The following ADAMTS2 variants were observed in gnomAD, a reference collection of about 807,000 sequenced individuals.
ADAMTS2 encodes the protein ADAM metallopeptidase with thrombospondin type 1 motif 2.
A neutral mutation model predicts 123.0 loss-of-function variants in ADAMTS2; 50 were observed. The ratio of observed to expected loss-of-function variants is 0.41; its 90% CI spans 0.32 to 0.51. The LOEUF is 0.51. Ranked by LOEUF, ADAMTS2 falls within the 20% of genes least tolerant of loss-of-function variation. The probability of loss-of-function intolerance (pLI) is 0.35; values close to 1 mark genes in which losing one functional copy is unlikely to be tolerated. For synonymous variants in ADAMTS2, 678 were observed against 695.4 expected (o/e 0.98, Z 0.39); for missense variants, 1,494 against 1,705.2 (o/e 0.88, Z 2.18).
At chr5:179,207,460 G>A (rs926857013) in intron 4 of ADAMTS2, 53 bp downstream of exon 4, 3 of 1,563,668 alleles carry the variant, frequency 1.9e-6, no homozygotes, top group East Asian at 4.5e-5. Context: ...GGCCTGCCCA[G>A]CCCCTGGTTG....
chr5:179,203,196 G>A (rs1231629970), intron 4 of ADAMTS2, among the ~76,000 whole-genome samples: 1 of 152,148 alleles, frequency 6.6e-6, no homozygotes, highest in Non-Finnish European at 1.5e-5. Flanking sequence ...CACCATCAGG[G>A]CCCCCACCAG....
chr5:179,222,224 T>A (rs1015595996), intron 3 of ADAMTS2, among the ~76,000 whole-genome samples: 2 of 152,138 alleles, frequency 1.3e-5, no homozygotes, highest in Non-Finnish European at 2.9e-5. Context: ...CCAGCTGCAG[T>A]TGAGGAGGGA....
chr5:179,203,960 G>A (rs1042138351), intron 4 of ADAMTS2, among the ~76,000 whole-genome samples: 1 of 152,210 alleles, frequency 6.6e-6, no homozygotes, highest in Non-Finnish European at 1.5e-5. Context: ...CCCATGGATG[G>A]CTGGATAAAC....
intron 5 of ADAMTS2, among the ~76,000 whole-genome samples, chr5:179,160,817 G>A (rs1355856084): frequency 6.6e-6 from 1 of 152,186 alleles, no homozygotes; most frequent in African/African-American, 2.4e-5. Flanking sequence ...TCATGACCAG[G>A]AAGAGCATGT....
At chr5:179,283,661 C>T (rs1274875322) in intron 2 of ADAMTS2, among the ~76,000 whole-genome samples, 1 of 150,652 alleles carries the variant, frequency 6.6e-6, no homozygotes, top group East Asian at 1.9e-4. Flanking sequence ...GATCCCAGAA[C>T]TCTGGGAGGC....
chr5:179,279,018 G>C (rs1766819969), intron 2 of ADAMTS2, among the ~76,000 whole-genome samples: 1 of 151,934 alleles, frequency 6.6e-6, no homozygotes, highest in African/African-American at 2.4e-5. Context: ...GGGGTTCACA[G>C]GAAACACAAG....
chr5:179,121,810 G>T, intron 20 of ADAMTS2, 60 bp from the exon 21 acceptor site: 1 of 1,206,708 alleles, frequency 8.3e-7, no homozygotes, highest in Non-Finnish European at 1.2e-6. Flanking sequence ...CCCACCCCAG[G>T]CAGAGAGGCT....
At chr5:179,241,423 C>A (rs1221918644) in intron 3 of ADAMTS2, among the ~76,000 whole-genome samples, 2 of 152,218 alleles carry the variant, frequency 1.3e-5, no homozygotes, top group Non-Finnish European at 1.5e-5. Flanking sequence ...ATCAACCCAG[C>A]CGGGCTTCCA....
Position 179,161,531 on chromosome 5 carries a change from T to TG in ADAMTS2, c.976-2653dup, listed in dbSNP as rs1326810739. 2.0e-5 allele frequency among the ~76,000 whole-genome samples: 3 copies of TG among 151,648 alleles called. No individual in the cohort carries two copies. In the East Asian group the frequency reaches 5.8e-4, roughly 29 times the overall value. ...GAAATAGAGAGTAGTTCCTGGAGAGTGGGGGGCAGCGGGCTGGGGATTGCC... is the reference window on the plus strand; with the variant it reads ...GAAATAGAGAGTAGTTCCTGGAGAGTGGGGGGGCAGCGGGCTGGGGATTGCC... On this transcript the variant is annotated intron_variant, in intron 5 of 21. Coordinates refer to ENST00000251582, the MANE Select transcript of ADAMTS2 (RefSeq NM_014244.5).
Position 179,345,335 on chromosome 5 carries a change from C to T in ADAMTS2, c.-7G>A. 3 of 1,133,924 alleles carry T rather than the reference C, an allele frequency of 2.6e-6. No individual in the cohort carries two copies. Among genetic ancestry groups the T allele is most frequent in the Non-Finnish European group, 1.1e-6 (1 of 925,408 alleles). 70.2% of individuals were successfully genotyped at this position (1,133,924 alleles called of 1,614,324 possible). A position where few individuals can be genotyped will look rare whatever the true frequency, so the allele number is the denominator to read the frequency against. Reference sequence around the variant, plus strand: ...CTCCCGCCGGCGGATCCATGGCAGCCGGACTGCAGCCGGGGCCCCGCACTC... The same window carrying T: ...CTCCCGCCGGCGGATCCATGGCAGCTGGACTGCAGCCGGGGCCCCGCACTC... On this transcript the variant is annotated 5_prime_UTR_variant, in exon 1 of 22. Transcript: ENST00000251582. The surrounding 1 kb of genome is among the most constrained non-coding windows in gnomAD (Gnocchi z 7.5).
intron 3 of ADAMTS2, among the ~76,000 whole-genome samples, chr5:179,233,178 A>G (rs1033948059): frequency 6.6e-6 from 1 of 152,224 alleles, no homozygotes; most frequent in Non-Finnish European, 1.5e-5. Context: ...GTTGCAGATA[A>G]CTCCACATTT....
Position 179,113,669 on chromosome 5 carries a change from T to C in ADAMTS2, c.*198A>G, listed in dbSNP as rs1309726043. The C allele has an allele frequency of 9.1e-5, 58 of 634,568 alleles. 3 individuals are homozygous for C. The South Asian group carries it at 1.0e-3, about 11-fold the overall frequency. The allele number at this position is 634,568 out of a possible 1,614,324, so 39.3% of individuals were successfully genotyped here. ...CGCCACCACAGTATTTGGTCGCTCC[T>C]GGGCTGGGAAGCACACGTGCTAACC... On this transcript the variant is annotated 3_prime_UTR_variant, in exon 22 of 22. Transcript: ENST00000251582.
chr5:179,311,036 C>A (rs1756817606), intron 2 of ADAMTS2, among the ~76,000 whole-genome samples: 1 of 151,670 alleles, frequency 6.6e-6, no homozygotes, highest in South Asian at 2.1e-4. Flanking sequence ...CTCCCCAGCC[C>A]CCCACCCCCC....
intron 10 of ADAMTS2, among the ~76,000 whole-genome samples, chr5:179,140,960 C>G (rs1435294765): frequency 6.7e-6 from 1 of 149,624 alleles, no homozygotes; most frequent in African/African-American, 2.5e-5. Context: ...CCACCACCCC[C>G]AGCTAATTTT....
At chr5:179,258,901 T>C (rs13169156) in intron 3 of ADAMTS2, among the ~76,000 whole-genome samples, 45,094 of 151,950 alleles carry the variant, frequency 0.3, 7,578 homozygotes, top group Non-Finnish European at 0.36. Context: ...CTACCAGGAC[T>C]CCCAACACCC....
At chr5:179,169,146 T>G (rs1408075200) in intron 5 of ADAMTS2, among the ~76,000 whole-genome samples, 1 of 152,190 alleles carries the variant, frequency 6.6e-6, no homozygotes, top group East Asian at 1.9e-4. Context: ...TTAGGAAGTG[T>G]GGTCTTTGAG....
rs768695989 is a variant in ADAMTS2, at chr5:179,204,374, TTTAAA to T, written c.891+3134_891+3138del. 2.0e-4 allele frequency among the ~76,000 whole-genome samples: 31 copies of T among 152,386 alleles called. 1 individual carries two copies. The highest frequency in any genetic ancestry group is 3.5e-4 in the Non-Finnish European group (24 of 68,038). On this transcript the variant is annotated intron_variant, in intron 4 of 21. Transcript: ENST00000251582. ...GTATATTTCACCGCAATTAAAATTT[TTTAAA>T]TTAAAATTCTCTTGGAACAAATAAG... is the stretch of plus-strand genomic sequence containing the variant.
chr5:179,224,624 GCCCAAGGTGGC>G (rs1259122784), intron 3 of ADAMTS2, among the ~76,000 whole-genome samples: 4 of 152,244 alleles, frequency 2.6e-5, no homozygotes, highest in Non-Finnish European at 5.9e-5. Flanking sequence ...ACTGCCTCCA[GCCCAAGGTGGC>G]CAGTGGTGAC....
At chr5:179,206,159 C>G (rs1222613298) in intron 4 of ADAMTS2, among the ~76,000 whole-genome samples, 1 of 152,244 alleles carries the variant, frequency 6.6e-6, no homozygotes, top group Non-Finnish European at 1.5e-5. Context: ...ATGCAGCGGA[C>G]TTCGGCCCCC....
Sources: gnomAD v4.1 joint callset for allele counts (sites outside exome capture counted in the v4.1 genomes callset) on GRCh38, gnomAD v4.1.1 for gene constraint, Gnocchi (gnomAD v3.1) non-coding constraint, MANE v1.5 for transcripts, NCBI Gene and HGNC (gene_info 2026-07-23, HGNC 2026-07-21) for gene names.